GLRA1: variants seen among roughly 807,000 people sequenced by gnomAD.
GLRA1 encodes glycine receptor alpha 1.
In GLRA1, 37 loss-of-function variants were observed where a neutral mutation model predicts 48.3. The ratio of observed to expected loss-of-function variants is 0.77; its 90% CI spans 0.59 to 1.01. The LOEUF (loss-of-function observed/expected upper bound fraction) is 1.01, where lower values mean the gene tolerates loss of function less well. Ranked by LOEUF, GLRA1 falls within the 50% of genes least tolerant of loss-of-function variation. The pLI is 0.00. For synonymous variants in GLRA1, 196 were observed against 210.7 expected (o/e 0.93, Z 0.60); for missense variants, 427 against 571.0 (o/e 0.75, Z 2.57).
intron 1 of GLRA1, among the ~76,000 whole-genome samples, chr5:151,893,304 CTTT>C (rs1754139546): frequency 2.2e-5 from 3 of 137,060 alleles, no homozygotes; most frequent in Non-Finnish European, 4.7e-5. Flanking sequence ...TTCTTTCTTT[CTTT>C]CTTTCTTTCT....
intron 1 of GLRA1, among the ~76,000 whole-genome samples, chr5:151,911,715 C>T (rs911660914): frequency 2.0e-5 from 3 of 149,524 alleles, no homozygotes; most frequent in Non-Finnish European, 3.0e-5. Context: ...ACGCCATTCT[C>T]CTGCCTCAGC....
At chr5:151,875,048 G>C (rs550395608) in intron 3 of GLRA1, among the ~76,000 whole-genome samples, 1 of 152,210 alleles carries the variant, frequency 6.6e-6, no homozygotes, top group Admixed American at 6.5e-5. Flanking sequence ...ATGGATTTAA[G>C]TTTTATTTTT....
chr5:151,890,299 A>G (rs776997498), intron 2 of GLRA1, among the ~76,000 whole-genome samples: 1 of 152,186 alleles, frequency 6.6e-6, no homozygotes, highest in Non-Finnish European at 1.5e-5. Context: ...GTACAGTGGT[A>G]TGCACAAAGA....
intron 8 of GLRA1, 77 bp downstream of exon 8, chr5:151,828,844 A>T: frequency 9.2e-6 from 13 of 1,416,802 alleles, no homozygotes; most frequent in Non-Finnish European, 1.3e-5. Context: ...TGAAACAAAT[A>T]ACACAAGACA....
chr5:151,888,098 C>T (rs1340891412), intron 2 of GLRA1, among the ~76,000 whole-genome samples: 1 of 152,206 alleles, frequency 6.6e-6, no homozygotes, highest in Non-Finnish European at 1.5e-5. Flanking sequence ...AGTAACTCAC[C>T]TAGGCTCATT....
intron 2 of GLRA1, among the ~76,000 whole-genome samples, chr5:151,891,396 A>G (rs964989573): frequency 1.3e-5 from 2 of 152,222 alleles, no homozygotes; most frequent in East Asian, 3.8e-4. Context: ...TTGGCAACCC[A>G]CAGGGCATAT....
intron 7 of GLRA1, among the ~76,000 whole-genome samples, chr5:151,849,367 CTTCCTTTCGTTTCCTTTCCT>C (rs1752815435): frequency 1.1e-4 from 4 of 35,562 alleles, no homozygotes; most frequent in African/African-American, 5.3e-4. Flanking sequence ...TCCTTCCTTT[CTTCCTTTCGTTTCCTTTCCT>C]TTCCTTTCCT....
intron 7 of GLRA1, among the ~76,000 whole-genome samples, chr5:151,831,606 C>T (rs1391644355): frequency 6.6e-6 from 1 of 152,230 alleles, no homozygotes; most frequent in East Asian, 1.9e-4. Flanking sequence ...CTAGATTCCT[C>T]CTCTCTGGGC....
chr5:151,875,770 A>G (rs2913888), intron 3 of GLRA1: 82,898 of 152,158 alleles, frequency 0.54, 23,176 homozygotes, highest in East Asian at 0.69. Flanking sequence ...ATACCCTTAC[A>G]TGGCCCTGGT....
At chr5:151,869,149 G>C (rs1390497575) in intron 3 of GLRA1, among the ~76,000 whole-genome samples, 1 of 151,592 alleles carries the variant, frequency 6.6e-6, no homozygotes. Context: ...TGTCACTCAG[G>C]CTGGAGTGCA....
At chr5:151,838,328 G>C (rs1401907751) in intron 7 of GLRA1, among the ~76,000 whole-genome samples, 1 of 152,042 alleles carries the variant, frequency 6.6e-6, no homozygotes, top group Non-Finnish European at 1.5e-5. Context: ...AATTAGCCAG[G>C]TGTGGTGGTG....
chr5:151,826,175 C>G (rs756225644), intron 8 of GLRA1, among the ~76,000 whole-genome samples: 1 of 152,154 alleles, frequency 6.6e-6, no homozygotes, highest in African/African-American at 2.4e-5. Context: ...AAAGGCAGTT[C>G]CAGTGCACCA....
intron 3 of GLRA1, among the ~76,000 whole-genome samples, chr5:151,864,645 G>A (rs1445362380): frequency 6.6e-6 from 1 of 152,206 alleles, no homozygotes; most frequent in East Asian, 1.9e-4. Context: ...ATCTCCTGCA[G>A]GAGACTTGAT....
intron 3 of GLRA1, among the ~76,000 whole-genome samples, chr5:151,867,660 ATT>A (rs1200466966): frequency 6.6e-6 from 1 of 152,168 alleles, no homozygotes; most frequent in Non-Finnish European, 1.5e-5. Flanking sequence ...TTTCAACCTA[ATT>A]TTATAGATGA....
At chr5:151,849,140 CTTTCTTTCTTTCTTTTCTTTTCT>C (rs1561554381) in intron 7 of GLRA1, 7 of 180,426 alleles carry the variant, frequency 3.9e-5, no homozygotes, top group Admixed American at 7.8e-5. Flanking sequence ...TTCTTTCTTT[CTTTCTTTCTTTCTTTTCTTTTCT>C]TTTCTTTCTT....
At chr5:151,884,426 C>T (rs1163957627) in intron 3 of GLRA1, among the ~76,000 whole-genome samples, 1 of 40,072 alleles carries the variant, frequency 2.5e-5, no homozygotes, top group Non-Finnish European at 5.3e-5. Context: ...GAAACTCTGT[C>T]TCAAAACAAA....
chr5:151,914,219 G>A, intron 1 of GLRA1, among the ~76,000 whole-genome samples: 1 of 152,190 alleles, frequency 6.6e-6, no homozygotes, highest in Non-Finnish European at 1.5e-5. Flanking sequence ...CACTCAGAGA[G>A]CTATTGAAAA....
At chr5:151,833,469 T>A (rs1375796436) in intron 7 of GLRA1, among the ~76,000 whole-genome samples, 7 of 151,616 alleles carry the variant, frequency 4.6e-5, no homozygotes, top group Admixed American at 1.3e-4. Context: ...ATATATATAT[T>A]TTTCTTTTGA....
At chr5:151,827,706 G>A (rs1039940129) in intron 8 of GLRA1, among the ~76,000 whole-genome samples, 1 of 152,078 alleles carries the variant, frequency 6.6e-6, no homozygotes, top group African/African-American at 2.4e-5. Flanking sequence ...AATAGACAAC[G>A]ATTTTAAATA....
Sources: allele counts gnomAD v4.1 joint callset (sites outside exome capture counted in the v4.1 genomes callset), GRCh38; gene constraint gnomAD v4.1.1; transcripts MANE v1.5; gene names NCBI Gene and HGNC (gene_info 2026-07-23, HGNC 2026-07-21).